DNAH3: variants seen among roughly 807,000 people sequenced by gnomAD.
The protein encoded by DNAH3 is axonemal beta dynein heavy chain 3.
In DNAH3, 332 loss-of-function variants were observed where a neutral mutation model predicts 432.5. The observed-to-expected ratio is 0.77, with a 90% confidence interval of 0.70 to 0.84. DNAH3 has a LOEUF of 0.84. Among genes scored for constraint, DNAH3 ranks in the 40% least tolerant of loss-of-function variants. The probability of loss-of-function intolerance (pLI) is 0.00; values close to 1 mark genes in which losing one functional copy is unlikely to be tolerated. For synonymous variants in DNAH3, 1,956 were observed against 1,900.2 expected, an observed-to-expected ratio of 1.03 and a Z score of -0.76; for missense variants, 4,861 against 5,114.0, an observed-to-expected ratio of 0.95 and a Z score of 1.51.
At position 21,010,907 on chromosome 16, in the gene DNAH3, T is replaced by G. The variant is rs377087965; in HGVS notation, c.6023-7700A>C. ...AAACCTGTTTTTTTTTTTTTGTTTT[T>G]TTTTGTTTTGTTTTGTTTTTTAAAA... On this transcript the variant is annotated intron_variant, in intron 41 of 61. Coordinates refer to ENST00000261383, the Ensembl canonical transcript of DNAH3. Among the ~76,000 whole-genome samples the G allele has an allele frequency of 1.4e-3, 206 of 151,998 alleles. 2 individuals are homozygous for G. The highest frequency in any genetic ancestry group is 1.4e-3 in the African/African-American group (57 of 41,434).
In DNAH3 at chr16:21,109,122, C is replaced by CAA. The variant is rs201303338; in HGVS notation, c.2100-2450_2100-2449dup. ...TGAACAACAGAGCGAGACTCTGTCT[C>CAA]AAAAAAAAAAAAAAAAGAAAGAAAG... On this transcript the variant is annotated intron_variant, in intron 14 of 61. Coordinates refer to ENST00000261383, the Ensembl canonical transcript of DNAH3. Among the ~76,000 whole-genome samples the CAA allele has an allele frequency of 9.0e-4, 56 of 62,366 alleles. 1 individual carries two copies. In the East Asian group the frequency reaches 0.012, roughly 14 times the overall value. 40.9% of individuals were successfully genotyped at this position (62,366 alleles called of 152,430 possible). A position where few individuals can be genotyped will look rare whatever the true frequency, so the allele number is the denominator to read the frequency against.
intron 7 of DNAH3, 50 bp downstream of exon 8, chr16:21,134,209 G>A (rs756891895): frequency 6.2e-5 from 97 of 1,556,512 alleles, no homozygotes; most frequent in South Asian, 8.3e-5. Flanking sequence ...TTGCTTACAC[G>A]TGGATGTGGT....
At chr16:20,987,726 T>C (rs1164015796) in exon 46 of DNAH3, 4 of 1,614,168 alleles carry the variant, frequency 2.5e-6, no homozygotes, top group Admixed American at 1.7e-5. Context: ...GCAGGACCCC[T>C]TGAATCACTC....
intron 1 of DNAH3, among the ~76,000 whole-genome samples, chr16:21,152,334 A>C (rs749029240): frequency 6.6e-6 from 1 of 152,352 alleles, no homozygotes; most frequent in South Asian, 2.1e-4. Context: ...TGTCCTGATG[A>C]CCCCGAGTCC....
rs144106056 is a variant in DNAH3 at position 21,111,703 on chromosome 16, A to G, written c.2022T>C (p.Asp674=). 6.6e-4 allele frequency: 1,067 copies of G among 1,613,950 alleles called. 7 individuals are homozygous for G. Among genetic ancestry groups the G allele is most frequent in the Middle Eastern group, 9.9e-4 (6 of 6,084 alleles). ...TAAGATTTTGAGCTCGCTCACAGAGATCATGATTTAGGGCCGTAGCATCAA... is the reference window on the plus strand; with the variant it reads ...TAAGATTTTGAGCTCGCTCACAGAGGTCATGATTTAGGGCCGTAGCATCAA... The change falls in exon 14 of 62, where the codon GAT becomes GAC. Residue 674 remains aspartate (D), a synonymous_variant. Transcript: ENST00000261383.
rs529237997 is a variant in DNAH3, at chr16:20,962,156, AT to A, written c.10600+1127del. 1.6e-4 allele frequency among the ~76,000 whole-genome samples: 24 copies of A among 151,736 alleles called. No homozygotes were observed. The South Asian group carries it at 4.6e-3, about 29-fold the overall frequency. On this transcript the variant is annotated intron_variant, in intron 53 of 61. Transcript: ENST00000261383. ...AGCCTGGGCGATAGAGCAAGACTCC[AT>A]CTCAAAATAAATAAATAAAATAAAA...
intron 36 of DNAH3, 58 bp from the exon 37 acceptor site, chr16:21,031,344 C>T (rs1175678960): frequency 5.6e-6 from 9 of 1,593,830 alleles, no homozygotes; most frequent in African/African-American, 1.3e-5. Context: ...GAAGGTTAAA[C>T]AAGAGATGAT....
chr16:21,100,175 G>C (rs1239573793), intron 16 of DNAH3, among the ~76,000 whole-genome samples: 3 of 152,082 alleles, frequency 2.0e-5, no homozygotes, highest in Admixed American at 6.6e-5. Context: ...AGTTTTAAGT[G>C]ATTCTCCAGC....
rs191128489 is a variant in DNAH3 at position 20,954,481 on chromosome 16, G to A, written c.11071+332C>T. 8.0e-3 allele frequency among the ~76,000 whole-genome samples: 1,213 copies of A among 151,556 alleles called. 23 individuals are homozygous for A. The highest frequency in any genetic ancestry group is 0.027 in the African/African-American group (1,117 of 41,366). ...ATTTTTGTGTTTTTAGTAGAGATGGGGTTTTACCATGTTACCCAGGCTGGT... is the reference window on the plus strand; with the variant it reads ...ATTTTTGTGTTTTTAGTAGAGATGGAGTTTTACCATGTTACCCAGGCTGGT... On this transcript the variant is annotated intron_variant, in intron 55 of 61. Transcript: ENST00000261383.
chr16:21,054,317 G>A (rs1420090571), intron 28 of DNAH3, 103 bp downstream of exon 28: 5 of 863,754 alleles, frequency 5.8e-6, no homozygotes, highest in South Asian at 1.6e-5. Context: ...TCCCTAATGA[G>A]GAAGGAAACC....
exon 57 of DNAH3, chr16:20,948,582 C>T (rs1208730195): frequency 6.2e-7 from 1 of 1,614,146 alleles, no homozygotes; most frequent in Non-Finnish European, 8.5e-7. Flanking sequence ...ACAGAAGTGA[C>T]AGCAGGAGAC....
chr16:21,092,606 A>G (rs1179594952), intron 18 of DNAH3, among the ~76,000 whole-genome samples: 1 of 151,576 alleles, frequency 6.6e-6, no homozygotes, highest in African/African-American at 2.4e-5. Flanking sequence ...AACACATGGG[A>G]AAAAAATGAT....
At chr16:20,972,160 C>T (rs1223552037) in intron 51 of DNAH3, among the ~76,000 whole-genome samples, 1 of 152,092 alleles carries the variant, frequency 6.6e-6, no homozygotes, top group East Asian at 1.9e-4. Flanking sequence ...TCCGATGTTG[C>T]CAGGTTGCCC....
intron 36 of DNAH3, among the ~76,000 whole-genome samples, chr16:21,032,350 G>A (rs1032096673): frequency 1.3e-5 from 2 of 152,300 alleles, no homozygotes; most frequent in East Asian, 3.9e-4. Flanking sequence ...CTCAGTGAGT[G>A]TCATTTGTTC....
intron 39 of DNAH3, 122 bp from the exon 40 acceptor site, chr16:21,022,222 C>T: frequency 9.7e-7 from 1 of 1,028,932 alleles, no homozygotes; most frequent in East Asian, 2.5e-5. Context: ...AATGTAGGTG[C>T]ATTGGGGGAA....
At chr16:21,112,247 A>T (rs1206787237) in intron 12 of DNAH3, 149 bp from the exon 13 acceptor site, 2 of 611,616 alleles carry the variant, frequency 3.3e-6, no homozygotes, top group Admixed American at 5.9e-5. Flanking sequence ...AGTTTCATTA[A>T]ACAGAGAACT....
intron 1 of DNAH3, among the ~76,000 whole-genome samples, chr16:21,147,139 G>A (rs971304049): frequency 1.3e-5 from 2 of 151,976 alleles, no homozygotes; most frequent in East Asian, 3.9e-4. Flanking sequence ...TTCCCCCGTG[G>A]AAGAGCCCAA....
chr16:21,141,287 A>G lies in DNAH3; in HGVS notation c.521+13T>C. 6.4e-7 allele frequency: 1 copy of G among 1,573,022 alleles called. No individual in the cohort carries two copies. Among genetic ancestry groups the G allele is most frequent in the Non-Finnish European group, 8.7e-7 (1 of 1,154,218 alleles). ...CCGTCCTGCCTTCTCTGGTGCCCACAGTGATATCTTACCTAGTGGAATCCT... is the reference window on the plus strand; with the variant it reads ...CCGTCCTGCCTTCTCTGGTGCCCACGGTGATATCTTACCTAGTGGAATCCT... On this transcript the variant is annotated intron_variant, in intron 4 of 61. Transcript: ENST00000261383.
intron 44 of DNAH3, among the ~76,000 whole-genome samples, chr16:20,989,852 G>A (rs1031752128): frequency 6.6e-6 from 1 of 152,228 alleles, no homozygotes; most frequent in African/African-American, 2.4e-5. Flanking sequence ...ACTGCTGGGG[G>A]ACCCAGTACA....
Sources: gnomAD v4.1 joint callset for allele counts (sites outside exome capture counted in the v4.1 genomes callset) on GRCh38, gnomAD v4.1.1 for gene constraint, MANE v1.5 for transcripts, NCBI Gene and HGNC (gene_info 2026-07-23, HGNC 2026-07-21) for gene names.